KCNQ3: variants seen among roughly 807,000 people sequenced by gnomAD.
KCNQ3 encodes the protein potassium voltage-gated channel subfamily Q member 3.
Under a neutral mutation model 92.5 loss-of-function variants are expected in KCNQ3, and 30 were observed. The ratio of observed to expected loss-of-function variants is 0.32; its 90% CI spans 0.24 to 0.44. The LOEUF is 0.44. Ranked by LOEUF, KCNQ3 falls within the 20% of genes least tolerant of loss-of-function variation. The pLI is 1.00. For missense variants in KCNQ3, 913 were observed against 1,140.3 expected, an observed-to-expected ratio of 0.80 and a Z score of 2.87; for synonymous variants, 450 against 468.8, an observed-to-expected ratio of 0.96 and a Z score of 0.52.
chr8:132,399,323 C>T (rs1203423816), intron 1 of KCNQ3, among the ~76,000 whole-genome samples: 1 of 152,160 alleles, frequency 6.6e-6, no homozygotes, highest in African/African-American at 2.4e-5. Context: ...ATTTTTGCAG[C>T]TCTCACAGAA....
rs534748645 is a variant in KCNQ3 at position 132,346,973 on chromosome 8, T to A, written c.386+133174A>T. 1.4e-3 allele frequency among the ~76,000 whole-genome samples: 209 copies of A among 152,254 alleles called. 1 individual carries two copies. Among genetic ancestry groups the A allele is most frequent in the African/African-American group, 4.7e-3 (195 of 41,560 alleles). ...AGGGCAGCAGTCCAGGGCCCTGATG[T>A]TGTTTCGACGGCGTTGAATGGAACT... On this transcript the variant is annotated intron_variant, in intron 1 of 14. Coordinates refer to ENST00000388996, the MANE Select transcript of KCNQ3 (RefSeq NM_004519.4).
intron 1 of KCNQ3, among the ~76,000 whole-genome samples, chr8:132,379,904 T>C (rs997186199): frequency 4.0e-5 from 6 of 150,584 alleles, no homozygotes; most frequent in Non-Finnish European, 8.8e-5. Context: ...TTTTTTTTTT[T>C]ACATTTATTT....
At position 132,186,029 on chromosome 8, in the gene KCNQ3, A is replaced by G. The variant is rs1219867732; in HGVS notation, c.477+62T>C. The G allele has an allele frequency of 3.1e-6, 4 of 1,277,656 alleles. No homozygotes were observed. In the Admixed American group the frequency reaches 5.1e-5, roughly 16 times the overall value. The allele number at this position is 1,277,656 out of a possible 1,614,324, so 79.1% of individuals were successfully genotyped here. A position where few individuals can be genotyped will look rare whatever the true frequency, so the allele number is the denominator to read the frequency against. Reference sequence around the variant, plus strand: ...GTCAGGGAGGAGTGCACCCAAGGGCAACCTCCTTTTCATCACTCTGGAAGC... The same window carrying G: ...GTCAGGGAGGAGTGCACCCAAGGGCGACCTCCTTTTCATCACTCTGGAAGC... On this transcript the variant is annotated intron_variant, in intron 2 of 14. Coordinates refer to ENST00000388996, the MANE Select transcript of KCNQ3 (RefSeq NM_004519.4).
At chr8:132,430,080 C>T (rs1554655414) in intron 1 of KCNQ3, among the ~76,000 whole-genome samples, 1 of 152,126 alleles carries the variant, frequency 6.6e-6, no homozygotes, top group Non-Finnish European at 1.5e-5. Flanking sequence ...TTTCCCTGAG[C>T]AGCTGACTGT....
In KCNQ3 at chr8:132,347,178, G is replaced by A. The variant is rs573793916; in HGVS notation, c.386+132969C>T. Among the ~76,000 whole-genome samples the A allele has an allele frequency of 1.6e-4, 24 of 152,236 alleles. No homozygotes were observed. The East Asian group carries it at 4.6e-3, about 29-fold the overall frequency. On this transcript the variant is annotated intron_variant, in intron 1 of 14. Coordinates refer to ENST00000388996, the MANE Select transcript of KCNQ3 (RefSeq NM_004519.4). ...CTGTAGTTCTCAGAAATAAGTTATG[G>A]TAAACAAATCACCCAAGAATGAATA...
chr8:132,446,710 G>A (rs556644267), intron 1 of KCNQ3, among the ~76,000 whole-genome samples: 1 of 152,288 alleles, frequency 6.6e-6, no homozygotes, highest in East Asian at 1.9e-4. Flanking sequence ...ATGCTATTTT[G>A]TGAGGGAAGC....
At chr8:132,201,361 A>G (rs984200271) in intron 1 of KCNQ3, among the ~76,000 whole-genome samples, 1 of 151,980 alleles carries the variant, frequency 6.6e-6, no homozygotes, top group African/African-American at 2.4e-5. Context: ...TCCACTATCA[A>G]CTCAAAAATC....
rs1824683843 is a variant in KCNQ3, at chr8:132,126,757, A to G, written c.*2505T>C. 1 of 152,112 alleles carries G rather than the reference A, an allele frequency of 6.6e-6. No individual in the cohort carries two copies. The highest frequency in any genetic ancestry group is 6.6e-5 in the Admixed American group (1 of 15,266). 9.4% of individuals were successfully genotyped at this position (152,112 alleles called of 1,614,324 possible). A position where few individuals can be genotyped will look rare whatever the true frequency, so the allele number is the denominator to read the frequency against. On this transcript the variant is annotated 3_prime_UTR_variant, in exon 15 of 15. Transcript: ENST00000388996. ...GGTTTAGGAAATAATACAAGCTCCAATCCTTTCTAGGTTATTAAAAGAATC... is the reference window on the plus strand; with the variant it reads ...GGTTTAGGAAATAATACAAGCTCCAGTCCTTTCTAGGTTATTAAAAGAATC...
intron 1 of KCNQ3, chr8:132,447,091 G>T: frequency 1.1e-6 from 1 of 936,770 alleles, no homozygotes; most frequent in Non-Finnish European, 1.6e-6. Context: ...CATCAGACTT[G>T]GTCCCCAAAT....
rs1232198074 is a variant in KCNQ3 at position 132,126,944 on chromosome 8, A to G, written c.*2318T>C. 1 of 152,220 alleles carries G rather than the reference A, an allele frequency of 6.6e-6. No individual in the cohort carries two copies. Among genetic ancestry groups the G allele is most frequent in the Non-Finnish European group, 1.5e-5 (1 of 68,042 alleles). 9.4% of individuals were successfully genotyped at this position (152,220 alleles called of 1,614,324 possible). A position where few individuals can be genotyped will look rare whatever the true frequency, so the allele number is the denominator to read the frequency against. ...AAAATTAATTGGCGCATATGTGGAG[A>G]GTATGACTCACTCTCCTTTATTGTT... On this transcript the variant is annotated 3_prime_UTR_variant, in exon 15 of 15. Transcript: ENST00000388996.
intron 1 of KCNQ3, chr8:132,321,297 CT>C (rs1301929856): frequency 6.6e-6 from 1 of 152,274 alleles, no homozygotes; most frequent in Non-Finnish European, 1.5e-5. Context: ...GGATAAAGCC[CT>C]CCATTTTGCC....
chr8:132,134,496 A>T (rs1431031016), intron 12 of KCNQ3, 108 bp from the exon 13 acceptor site: 2 of 696,546 alleles, frequency 2.9e-6, no homozygotes, highest in Non-Finnish European at 2.5e-6. Context: ...GGAATATATA[A>T]GAGGAGAGGA....
chr8:132,232,734 T>C (rs1303669268), intron 1 of KCNQ3, among the ~76,000 whole-genome samples: 1 of 152,210 alleles, frequency 6.6e-6, no homozygotes, highest in East Asian at 1.9e-4. Flanking sequence ...TCTCCTTTAC[T>C]AATGAAGACC....
intron 9 of KCNQ3, among the ~76,000 whole-genome samples, chr8:132,150,012 A>C (rs1162227435): frequency 1.3e-5 from 2 of 151,844 alleles, no homozygotes; most frequent in East Asian, 3.9e-4. Context: ...TCAGCAGTTA[A>C]CACAGCCCTG....
chr8:132,195,597 A>G (rs1003523210), intron 1 of KCNQ3, among the ~76,000 whole-genome samples: 1 of 152,214 alleles, frequency 6.6e-6, no homozygotes, highest in Non-Finnish European at 1.5e-5. Context: ...TTTTCTAAGC[A>G]AGGATACTGA....
chr8:132,145,866 T>C (rs1009533712), intron 9 of KCNQ3, among the ~76,000 whole-genome samples: 1 of 152,158 alleles, frequency 6.6e-6, no homozygotes, highest in African/African-American at 2.4e-5. Flanking sequence ...AGACAGAAGC[T>C]GAGATCTGAA....
Position 132,340,657 on chromosome 8 carries a change from T to C in KCNQ3, c.386+139490A>G, listed in dbSNP as rs111409512. Among the ~76,000 whole-genome samples the C allele has an allele frequency of 6.1e-3, 921 of 152,024 alleles. 23 individuals carry two copies. The highest frequency in any genetic ancestry group is 0.053 in the Admixed American group (815 of 15,260). Reference sequence around the variant, plus strand: ...CAAGGGGAGGATGCGTTAGGACAAATAGCTAATGCAAGTGGGGCTTAACAC... The same window carrying C: ...CAAGGGGAGGATGCGTTAGGACAAACAGCTAATGCAAGTGGGGCTTAACAC... On this transcript the variant is annotated intron_variant, in intron 1 of 14. Transcript: ENST00000388996.
chr8:132,213,116 T>C (rs1160033775), intron 1 of KCNQ3, among the ~76,000 whole-genome samples: 1 of 152,222 alleles, frequency 6.6e-6, no homozygotes, highest in South Asian at 2.1e-4. Flanking sequence ...TGGTGTCTAA[T>C]GGACTTCTTC....
chr8:132,171,594 C>T (rs1472143092), intron 7 of KCNQ3, among the ~76,000 whole-genome samples: 1 of 152,178 alleles, frequency 6.6e-6, no homozygotes, highest in Admixed American at 6.5e-5. Flanking sequence ...ATCCTCTGGT[C>T]CATGGTTGTC....
Sources: allele counts gnomAD v4.1 joint callset (sites outside exome capture counted in the v4.1 genomes callset), GRCh38; gene constraint gnomAD v4.1.1; transcripts MANE v1.5; gene names NCBI Gene and HGNC (gene_info 2026-07-23, HGNC 2026-07-21).